The following TRRAP variants were observed in gnomAD, a reference collection of about 807,000 sequenced individuals.
TRRAP encodes transformation/transcription domain-associated protein.
A neutral mutation model predicts 438.8 loss-of-function variants in TRRAP; 41 were observed. That is an observed-to-expected ratio of 0.09 (90% confidence interval 0.07 to 0.12). The LOEUF (loss-of-function observed/expected upper bound fraction) is 0.12, where lower values mean the gene tolerates loss of function less well. Among genes scored for constraint, TRRAP ranks in the 10% least tolerant of loss-of-function variants. The pLI is 1.00. For missense variants in TRRAP, 3,122 were observed against 5,055.1 expected (o/e 0.62, Z 11.60); for synonymous variants, 1,994 against 1,962.9 (o/e 1.02, Z -0.42).
chr7:98,942,868 AAATG>A (rs1554415991), intron 30 of TRRAP, 77 bp from the exon 31 acceptor site: 2 of 1,488,854 alleles, frequency 1.3e-6, no homozygotes, highest in African/African-American at 2.8e-5. Flanking sequence ...AACACGATGG[AAATG>A]AATGATTACA....
At chr7:98,973,612 A>G (rs1249502749) in intron 53 of TRRAP, among the ~76,000 whole-genome samples, 2 of 152,244 alleles carry the variant, frequency 1.3e-5, no homozygotes, top group Non-Finnish European at 2.9e-5. Context: ...CAGATCTCAC[A>G]GAAAATCTTG....
At chr7:98,974,912 G>T (rs1457437441) in intron 53 of TRRAP, among the ~76,000 whole-genome samples, 1 of 152,174 alleles carries the variant, frequency 6.6e-6, no homozygotes, top group East Asian at 1.9e-4. Context: ...GATCTTTGAG[G>T]ATTTCGACAC....
intron 23 of TRRAP, 90 bp from the exon 24 acceptor site, chr7:98,929,899 T>C (rs1790242300): frequency 2.1e-6 from 3 of 1,409,602 alleles, no homozygotes; most frequent in Non-Finnish European, 3.0e-6. Context: ...CTGCTTTTTA[T>C]GGAGTTTCTA....
intron 70 of TRRAP, among the ~76,000 whole-genome samples, chr7:99,009,350 C>T (rs972054352): frequency 2.6e-5 from 4 of 152,152 alleles, no homozygotes; most frequent in Non-Finnish European, 5.9e-5. Context: ...GGACTTGTTC[C>T]AGTTCTCCTG....
At chr7:98,937,522 T>C in intron 29 of TRRAP, 128 bp from the exon 30 acceptor site, 1 of 1,157,846 alleles carries the variant, frequency 8.6e-7, no homozygotes, top group Non-Finnish European at 1.2e-6. Context: ...TCTGAAATAG[T>C]ATATGATTAA....
intron 3 of TRRAP, among the ~76,000 whole-genome samples, chr7:98,887,365 T>C (rs1188593626): frequency 6.6e-6 from 1 of 152,194 alleles, no homozygotes; most frequent in Non-Finnish European, 1.5e-5. Context: ...CTCTTTTCCT[T>C]GAATCCTTGG....
chr7:98,937,196 G>C lies in TRRAP; in HGVS notation c.4152G>C (p.Glu1384Asp). The C allele has an allele frequency of 6.2e-7, 1 of 1,613,538 alleles. No homozygotes were observed. The highest frequency in any genetic ancestry group is 8.5e-7 in the Non-Finnish European group (1 of 1,179,676). The change falls in exon 29 of 73, where the codon GAG becomes GAC. Residue 1384 changes from glutamate (E) to aspartate (D), a missense_variant. Transcript: ENST00000456197. ...GCAATTACCTTCCTCAGTCCAGGGA[G>C]AAAATCATCGCTGCACTCTTCAAAG... ...AACNYLPQSR[E>D]KIIAALFKAL...
chr7:98,886,962 C>T (rs1584266876), intron 3 of TRRAP, among the ~76,000 whole-genome samples: 1 of 152,244 alleles, frequency 6.6e-6, no homozygotes, highest in Middle Eastern at 3.4e-3. Flanking sequence ...TATTCACAGG[C>T]GCCATCATAG....
chr7:99,012,574 A>G lies in TRRAP; in HGVS notation c.*219A>G. On this transcript the variant is annotated 3_prime_UTR_variant, in exon 73 of 73. Transcript: ENST00000456197. The surrounding 1 kb of genome is among the most constrained non-coding windows in gnomAD (Gnocchi z 5.9). ...GCTGGGCGAAGCGGTTGGAAATGGC[A>G]GAGCTGAAACTTATTCCAAGCTTTC... 1.7e-6 allele frequency: 1 copy of G among 598,228 alleles called. No individual in the cohort carries two copies. The highest frequency in any genetic ancestry group is 2.5e-5 in the South Asian group (1 of 40,514). 37.1% of individuals were successfully genotyped at this position (598,228 alleles called of 1,614,324 possible).
chr7:98,928,930 C>T (rs1465043877), intron 23 of TRRAP, among the ~76,000 whole-genome samples: 2 of 149,830 alleles, frequency 1.3e-5, no homozygotes, highest in East Asian at 2.0e-4. Context: ...TGTAACACCA[C>T]GCCCGGCTAA....
chr7:98,918,984 CA>C (rs782343068), intron 20 of TRRAP, among the ~76,000 whole-genome samples: 1,735 of 73,476 alleles, frequency 0.024, 19 homozygotes, highest in African/African-American at 0.063. Flanking sequence ...TAAACTGTCT[CA>C]AAAAAAAAAA....
chr7:98,915,806 G>T lies in TRRAP; in HGVS notation c.2283G>T (p.Arg761=), dbSNP rs1554409501. 6.2e-7 allele frequency: 1 copy of T among 1,614,206 alleles called. No homozygotes were observed. Among genetic ancestry groups the T allele is most frequent in the Non-Finnish European group, 8.5e-7 (1 of 1,180,046 alleles). The part of the protein sequence containing the change: ...KEPYNYFLLL[R]ALFRSIGGGS... ...CCTACAACTACTTCTTGCTGCTACG[G>T]GCGCTGTTTCGCTCTATTGGTGGAG... The change falls in exon 19 of 73, where the codon CGG becomes CGT. Residue 761 remains arginine (R), a synonymous_variant. Coordinates refer to ENST00000456197, the MANE Select transcript of TRRAP (RefSeq NM_001375524.1).
chr7:98,992,230 A>G lies in TRRAP; in HGVS notation c.9847+3A>G, dbSNP rs377621455. The G allele has an allele frequency of 5.6e-6, 9 of 1,613,840 alleles. No homozygotes were observed. The African/African-American group carries it at 1.2e-4, about 22-fold the overall frequency. On this transcript the variant is annotated splice_donor_region_variant and intron_variant, in intron 65 of 72. Transcript: ENST00000456197. ...ACAGCGGGAACGCTACAAGAGCGGTACGTCTCGGGTGGGGCCGGTAGGCCA... is the reference window on the plus strand; with the variant it reads ...ACAGCGGGAACGCTACAAGAGCGGTGCGTCTCGGGTGGGGCCGGTAGGCCA...
At chr7:98,890,973 C>A (rs1203368237) in intron 4 of TRRAP, among the ~76,000 whole-genome samples, 1 of 150,220 alleles carries the variant, frequency 6.7e-6, no homozygotes, top group Non-Finnish European at 1.5e-5. Flanking sequence ...AAAAAATTTT[C>A]TGTAGAGAAT....
intron 67 of TRRAP, among the ~76,000 whole-genome samples, chr7:98,996,159 C>T (rs1339724248): frequency 6.6e-6 from 1 of 152,162 alleles, no homozygotes; most frequent in Non-Finnish European, 1.5e-5. Context: ...ATCCCATTTA[C>T]ACACGCGTGT....
chr7:98,983,956 G>C, intron 60 of TRRAP, 137 bp from the exon 61 acceptor site: 1 of 1,138,780 alleles, frequency 8.8e-7, no homozygotes. Context: ...AAAATACAAA[G>C]TAACGAGGGT....
intron 49 of TRRAP, 136 bp from the exon 50 acceptor site, chr7:98,966,905 A>G: frequency 1.2e-6 from 1 of 859,042 alleles, no homozygotes; most frequent in Non-Finnish European, 1.7e-6. Context: ...AAGCATCCAA[A>G]GATAAAGCCA....
chr7:99,011,306 C>G lies in TRRAP; in HGVS notation c.11143-35C>G. 1 of 1,612,634 alleles carries G rather than the reference C, an allele frequency of 6.2e-7. No individual in the cohort carries two copies. The highest frequency in any genetic ancestry group is 8.5e-7 in the Non-Finnish European group (1 of 1,178,666). ...CTCTCCTCGTGACATCGCCTTTCTG[C>G]TGAAGTTCCTAAAGTGTCTCCTTCT... On this transcript the variant is annotated intron_variant, in intron 71 of 72. Coordinates refer to ENST00000456197, the MANE Select transcript of TRRAP (RefSeq NM_001375524.1). The surrounding 1 kb of genome is among the most constrained non-coding windows in gnomAD (Gnocchi z 7.1).
Position 98,897,471 on chromosome 7 carries a change from A to G in TRRAP, c.508-270A>G, listed in dbSNP as rs1796269966. On this transcript the variant is annotated intron_variant, in intron 7 of 72. Transcript: ENST00000456197. ...GGCAAGCTTTGTCTTCTGTTGTTGA[A>G]GATGGAGAACATGGTCCCTGTCGTG... is the stretch of plus-strand genomic sequence containing the variant. Among the ~76,000 whole-genome samples, 4 of 152,216 alleles carry G rather than the reference A, an allele frequency of 2.6e-5. No individual in the cohort carries two copies. The South Asian group carries it at 8.3e-4, about 32-fold the overall frequency.
Sources: gnomAD v4.1 joint callset for allele counts (sites outside exome capture counted in the v4.1 genomes callset) on GRCh38, gnomAD v4.1.1 for gene constraint, Gnocchi (gnomAD v3.1) non-coding constraint, MANE v1.5 for transcripts, NCBI Gene and HGNC (gene_info 2026-07-23, HGNC 2026-07-21) for gene names.